The following RGMA variants were observed in gnomAD, a reference collection of about 807,000 sequenced individuals.
RGMA encodes repulsive guidance molecule BMP co-receptor a.
In RGMA, 10 loss-of-function variants were observed where a neutral mutation model predicts 23.2. The ratio of observed to expected loss-of-function variants is 0.43; its 90% CI spans 0.27 to 0.73. RGMA has a LOEUF of 0.73. Among genes scored for constraint, RGMA ranks in the 30% least tolerant of loss-of-function variants. The pLI is 0.20. For synonymous variants in RGMA, 308 were observed against 279.3 expected, an observed-to-expected ratio of 1.10 and a Z score of -1.03; for missense variants, 547 against 630.5, an observed-to-expected ratio of 0.87 and a Z score of 1.42.
chr15:93,048,465 C>T (rs931889020), intron 3 of RGMA, among the ~76,000 whole-genome samples: 1 of 152,078 alleles, frequency 6.6e-6, no homozygotes, highest in Non-Finnish European at 1.5e-5. Context: ...CGGGGCTCTG[C>T]GGGAGTCCAT....
intron 1 of RGMA, among the ~76,000 whole-genome samples, chr15:93,082,856 G>A (rs1895580429): frequency 6.6e-6 from 1 of 152,212 alleles, no homozygotes; most frequent in Non-Finnish European, 1.5e-5. Flanking sequence ...GAGTTAAATA[G>A]ATTTACTTAA....
At chr15:93,060,603 C>A (rs569498578) in intron 2 of RGMA, among the ~76,000 whole-genome samples, 6 of 152,234 alleles carry the variant, frequency 3.9e-5, no homozygotes, top group Admixed American at 6.5e-5. Context: ...CCCATTTGCT[C>A]CTGACTCGAG....
chr15:93,044,700 G>A lies in RGMA; in HGVS notation c.*298C>T, dbSNP rs2054785226. The A allele has an allele frequency of 4.5e-6, 2 of 446,442 alleles. No individual in the cohort carries two copies. Among genetic ancestry groups the A allele is most frequent in the Non-Finnish European group, 8.1e-6 (2 of 247,754 alleles). The allele number at this position is 446,442 out of a possible 1,614,324, so 27.7% of individuals were successfully genotyped here. On this transcript the variant is annotated 3_prime_UTR_variant, in exon 4 of 4. Transcript: ENST00000329082. ...TTCCCAGTGTGTCTCTGGTGGGGGT[G>A]GGGGGCTTCAGCCTGAGGGGATGTT...
At chr15:93,073,239 C>T (rs1410735215) in intron 1 of RGMA, 7 of 1,078,632 alleles carry the variant, frequency 6.5e-6, no homozygotes, top group Non-Finnish European at 8.1e-6. Flanking sequence ...CGCGGCCCCG[C>T]GCCCCAGCCG....
At chr15:93,055,289 A>C (rs2054995613) in intron 2 of RGMA, among the ~76,000 whole-genome samples, 1 of 152,158 alleles carries the variant, frequency 6.6e-6, no homozygotes. Flanking sequence ...CCACTGCAAC[A>C]CAAGCAGGAG....
At chr15:93,080,390 A>G (rs1895539380) in intron 1 of RGMA, among the ~76,000 whole-genome samples, 1 of 151,828 alleles carries the variant, frequency 6.6e-6, no homozygotes, top group Admixed American at 6.6e-5. Flanking sequence ...TTTTGTGGAG[A>G]TGGGGTTTTT....
Position 93,088,911 on chromosome 15 carries a change from G to A in RGMA, c.14+8C>T, listed in dbSNP as rs769447636. 3 of 1,469,410 alleles carry A rather than the reference G, an allele frequency of 2.0e-6. No individual in the cohort carries two copies. Among genetic ancestry groups the A allele is most frequent in the African/African-American group, 3.0e-5 (2 of 67,146 alleles). 91.0% of individuals were successfully genotyped at this position (1,469,410 alleles called of 1,614,324 possible). A position where few individuals can be genotyped will look rare whatever the true frequency, so the allele number is the denominator to read the frequency against. On this transcript the variant is annotated splice_region_variant and intron_variant, in intron 1 of 3. Transcript: ENST00000329082. ...GCCGGGTCTGCCCGGCTCCCGACCC[G>A]CGCTTACCTTGGCGGCTGCATGAGC...
At chr15:93,052,536 G>C (rs778250505) in intron 2 of RGMA, 29 bp from the exon 3 acceptor site, 12 of 1,530,040 alleles carry the variant, frequency 7.8e-6, no homozygotes, top group Non-Finnish European at 1.1e-5. Flanking sequence ...ACACACCGTC[G>C]GGGTGCAGCC....
chr15:93,074,276 C>CA lies in RGMA; in HGVS notation c.15-1246dup, dbSNP rs781003260. On this transcript the variant is annotated intron_variant, in intron 1 of 3. Coordinates refer to ENST00000329082, the MANE Select transcript of RGMA (RefSeq NM_020211.3). ...TGGAGGTTTCTCTTAAGCACTATCACAGTCCTTACCTGCTGCAAAGGCCAC... is the reference window on the plus strand; with the variant it reads ...TGGAGGTTTCTCTTAAGCACTATCACAAGTCCTTACCTGCTGCAAAGGCCAC... The CA allele has an allele frequency of 4.6e-4, 76 of 166,186 alleles. 1 individual carries two copies. Among genetic ancestry groups the CA allele is most frequent in the Non-Finnish European group, 1.6e-4 (12 of 76,564 alleles). The allele number at this position is 166,186 out of a possible 1,614,324, so 10.3% of individuals were successfully genotyped here.
chr15:93,072,207 G>A (rs924431540), intron 2 of RGMA, among the ~76,000 whole-genome samples: 2 of 152,180 alleles, frequency 1.3e-5, no homozygotes, highest in African/African-American at 4.8e-5. Context: ...AAAACAAGAG[G>A]TCCGGGCTCG....
intron 2 of RGMA, among the ~76,000 whole-genome samples, chr15:93,070,286 C>T (rs1048403667): frequency 2.6e-5 from 4 of 152,210 alleles, no homozygotes; most frequent in Non-Finnish European, 5.9e-5. Flanking sequence ...ATTTAATTTG[C>T]ACTCCTATAG....
At chr15:93,083,094 C>T (rs1227749467) in intron 1 of RGMA, among the ~76,000 whole-genome samples, 2 of 152,256 alleles carry the variant, frequency 1.3e-5, no homozygotes, top group South Asian at 2.1e-4. Context: ...TGTTCTCCAC[C>T]AGGCCTGAAG....
chr15:93,078,457 G>A (rs758190047), intron 1 of RGMA, among the ~76,000 whole-genome samples: 89 of 152,336 alleles, frequency 5.8e-4, no homozygotes, highest in Admixed American at 1.6e-3. Flanking sequence ...CTCAGAGTGT[G>A]AGAACGGATC....
chr15:93,066,177 C>T (rs781067955), intron 2 of RGMA: 1 of 1,415,806 alleles, frequency 7.1e-7, no homozygotes, highest in Admixed American at 1.7e-5. Context: ...CTGCACCCTT[C>T]TCTCCTTCCA....
At chr15:93,072,772 G>T in intron 2 of RGMA, 144 bp downstream of exon 2, 1 of 939,656 alleles carries the variant, frequency 1.1e-6, no homozygotes, top group Non-Finnish European at 1.6e-6. Flanking sequence ...GGGTGCGGGA[G>T]AAACAAAAGA....
intron 1 of RGMA, chr15:93,073,644 G>C (rs912379203): frequency 1.3e-6 from 2 of 1,537,026 alleles, no homozygotes; most frequent in South Asian, 1.2e-5. Flanking sequence ...CACCGGTGCA[G>C]GAGGCTGAAA....
At position 93,036,682 on chromosome 15, in the gene RGMA, C is replaced by G. The variant is rs536882919; in HGVS notation, c.*8316G>C. 1.3e-5 allele frequency: 2 copies of G among 152,404 alleles called. No individual in the cohort carries two copies. Among genetic ancestry groups the G allele is most frequent in the South Asian group, 4.1e-4 (2 of 4,830 alleles). 9.4% of individuals were successfully genotyped at this position (152,404 alleles called of 1,614,324 possible). A position where few individuals can be genotyped will look rare whatever the true frequency, so the allele number is the denominator to read the frequency against. On this transcript the variant is annotated 3_prime_UTR_variant, in exon 4 of 4. Transcript: ENST00000329082. Reference sequence around the variant, plus strand: ...GACTCCGCCCCTGCTGTGGGGCTCACGAGCATGCCTTGAACACAGGCTGCC... The same window carrying G: ...GACTCCGCCCCTGCTGTGGGGCTCAGGAGCATGCCTTGAACACAGGCTGCC...
chr15:93,088,771 C>G (rs923535710), intron 1 of RGMA, 148 bp downstream of exon 1: 1 of 814,616 alleles, frequency 1.2e-6, no homozygotes, highest in South Asian at 1.7e-5. Flanking sequence ...GCGATAGAGG[C>G]GCAGCAAAGC....
chr15:93,072,816 T>A (rs976532907), intron 2 of RGMA, 100 bp downstream of exon 2: 6 of 1,295,892 alleles, frequency 4.6e-6, no homozygotes, highest in Non-Finnish European at 6.3e-6. Context: ...CCGGAGGAGG[T>A]CCGGAGAACT....
Sources: gnomAD v4.1 joint callset for allele counts (sites outside exome capture counted in the v4.1 genomes callset) on GRCh38, gnomAD v4.1.1 for gene constraint, MANE v1.5 for transcripts, NCBI Gene and HGNC (gene_info 2026-07-23, HGNC 2026-07-21) for gene names.